PTPRN2: variants seen among roughly 807,000 people sequenced by gnomAD.
PTPRN2 encodes protein tyrosine phosphatase receptor type N2.
Under a neutral mutation model 118.8 loss-of-function variants are expected in PTPRN2, and 74 were observed. That is an observed-to-expected ratio of 0.62 (90% CI 0.52 to 0.76). The LOEUF is 0.76. Among genes scored for constraint, PTPRN2 ranks in the 30% least tolerant of loss-of-function variants. The pLI is 0.00. For synonymous variants in PTPRN2, 641 were observed against 608.0 expected (o/e 1.05, Z -0.80); for missense variants, 1,481 against 1,394.4 (o/e 1.06, Z -0.99).
At chr7:157,872,631 C>G (rs981966883) in intron 12 of PTPRN2, among the ~76,000 whole-genome samples, 1 of 152,270 alleles carries the variant, frequency 6.6e-6, no homozygotes, top group Admixed American at 6.5e-5. Context: ...TCCTTGGTTT[C>G]CCGGTATAAC....
intron 21 of PTPRN2, among the ~76,000 whole-genome samples, chr7:157,559,301 A>G (rs1337436005): frequency 6.6e-6 from 1 of 152,078 alleles, no homozygotes; most frequent in African/African-American, 2.4e-5. Context: ...TGGACGGAGG[A>G]TGTTGGGCCT....
chr7:157,575,026 G>A (rs1799955724), intron 19 of PTPRN2, among the ~76,000 whole-genome samples: 1 of 152,170 alleles, frequency 6.6e-6, no homozygotes, highest in Admixed American at 6.5e-5. Flanking sequence ...CTCAGACCCT[G>A]GAGCAAGGGA....
intron 6 of PTPRN2, among the ~76,000 whole-genome samples, chr7:158,164,124 C>T (rs994819834): frequency 4.6e-5 from 7 of 152,310 alleles, no homozygotes; most frequent in African/African-American, 9.6e-5. Context: ...ACGCTTGTTC[C>T]GAAGATCCAC....
At chr7:157,757,134 G>T (rs536131725) in intron 12 of PTPRN2, among the ~76,000 whole-genome samples, 1 of 150,708 alleles carries the variant, frequency 6.6e-6, no homozygotes, top group African/African-American at 2.4e-5. Flanking sequence ...CCCCTAAAGA[G>T]ATCATTATTG....
At position 157,636,915 on chromosome 7, in the gene PTPRN2, A is replaced by G. The variant is rs527772887; in HGVS notation, c.2197-15406T>C. On this transcript the variant is annotated intron_variant, in intron 14 of 22. Transcript: ENST00000389418. ...ACAGAAACCAATGCTAACCTTTACA[A>G]AGAAAGTAAATATCTTCTAAGCCTT... Among the ~76,000 whole-genome samples the G allele has an allele frequency of 6.6e-5, 10 of 152,360 alleles. 1 individual carries two copies. Among genetic ancestry groups the G allele is most frequent in the African/African-American group, 2.2e-4 (9 of 41,580 alleles).
chr7:158,204,566 A>G (rs969129584), intron 4 of PTPRN2, among the ~76,000 whole-genome samples: 1 of 152,128 alleles, frequency 6.6e-6, no homozygotes, highest in Non-Finnish European at 1.5e-5. Flanking sequence ...AAATAGCACA[A>G]TGGCTCAGGA....
intron 5 of PTPRN2, among the ~76,000 whole-genome samples, chr7:158,188,554 G>A (rs574971622): frequency 2.0e-5 from 2 of 101,828 alleles, no homozygotes; most frequent in Non-Finnish European, 1.9e-5. Context: ...AGGCCGCCAC[G>A]CTCGCCCCCT....
intron 1 of PTPRN2, among the ~76,000 whole-genome samples, chr7:158,499,752 C>T (rs893732809): frequency 2.6e-5 from 4 of 151,586 alleles, no homozygotes; most frequent in Non-Finnish European, 5.9e-5. Flanking sequence ...GCCTGGGTGA[C>T]GGAGCAAGAC....
At position 158,165,178 on chromosome 7, in the gene PTPRN2, C is replaced by T. The variant is rs112517039; in HGVS notation, c.910+1753G>A. Among the ~76,000 whole-genome samples, 2 of 28,576 alleles carry T rather than the reference C, an allele frequency of 7.0e-5. 1 individual carries two copies. Among genetic ancestry groups the T allele is most frequent in the Non-Finnish European group, 2.0e-4 (2 of 10,120 alleles). 18.7% of individuals were successfully genotyped at this position (28,576 alleles called of 152,430 possible). Reference sequence around the variant, plus strand: ...GAAGACCCCCGATGGTGTCTAGTACCCACGAAAGTGCAGGAGGCAGTGAAG... The same window carrying T: ...GAAGACCCCCGATGGTGTCTAGTACTCACGAAAGTGCAGGAGGCAGTGAAG... On this transcript the variant is annotated intron_variant, in intron 6 of 22. Coordinates refer to ENST00000389418, the MANE Select transcript of PTPRN2 (RefSeq NM_002847.5).
At chr7:158,412,840 C>CT (rs1224848013) in intron 2 of PTPRN2, among the ~76,000 whole-genome samples, 15 of 138,584 alleles carry the variant, frequency 1.1e-4, no homozygotes, top group Non-Finnish European at 1.1e-4. Flanking sequence ...CAGGGCCCAT[C>CT]CAGTGCCCTC....
intron 11 of PTPRN2, among the ~76,000 whole-genome samples, chr7:158,035,032 C>T (rs961124687): frequency 6.6e-6 from 1 of 152,236 alleles, no homozygotes; most frequent in Admixed American, 6.5e-5. Context: ...GGCTCACTCT[C>T]CATTTCTTTA....
intron 2 of PTPRN2, among the ~76,000 whole-genome samples, chr7:158,422,858 G>A (rs993597796): frequency 2.6e-5 from 4 of 152,252 alleles, no homozygotes. Flanking sequence ...CCAGCTCACA[G>A]GAGCTCAAGC....
intron 22 of PTPRN2, among the ~76,000 whole-genome samples, chr7:157,544,760 C>G (rs1037656177): frequency 1.3e-5 from 2 of 152,280 alleles, no homozygotes. Context: ...GAGGCATGGA[C>G]GGGAGAGAGG....
intron 11 of PTPRN2, among the ~76,000 whole-genome samples, chr7:157,921,398 T>C (rs544688396): frequency 2.4e-4 from 37 of 152,324 alleles, no homozygotes; most frequent in Non-Finnish European, 4.7e-4. Context: ...GCTATGATGA[T>C]GGATACGTGT....
intron 2 of PTPRN2, 132 bp downstream of exon 2, chr7:158,489,603 C>G: frequency 1.1e-6 from 1 of 893,060 alleles, no homozygotes; most frequent in Non-Finnish European, 1.6e-6. Flanking sequence ...GGGTTCCATC[C>G]GCCTCCTCTC....
chr7:158,151,077 GCCCCTGCCTGCC>G (rs1821005551), intron 6 of PTPRN2, among the ~76,000 whole-genome samples: 1 of 102,992 alleles, frequency 9.7e-6, no homozygotes, highest in Non-Finnish European at 2.1e-5. Context: ...TTCCACTCTT[GCCCCTGCCTGCC>G]CAAACCGCCC....
chr7:158,298,714 C>T (rs1202554818), intron 3 of PTPRN2, among the ~76,000 whole-genome samples: 1 of 152,168 alleles, frequency 6.6e-6, no homozygotes. Flanking sequence ...AAGTTGTGCT[C>T]GGGCACATCA....
At chr7:158,090,568 C>T (rs998492304) in intron 10 of PTPRN2, among the ~76,000 whole-genome samples, 1 of 152,154 alleles carries the variant, frequency 6.6e-6, no homozygotes, top group Admixed American at 6.5e-5. Flanking sequence ...TTGATAATTG[C>T]TCATTTCTTT....
intron 1 of PTPRN2, among the ~76,000 whole-genome samples, chr7:158,491,388 G>C (rs545283872): frequency 1.8e-4 from 28 of 152,338 alleles, no homozygotes; most frequent in African/African-American, 6.7e-4. Context: ...TCACAGGCGG[G>C]TGGACACCCC....
Sources: allele counts gnomAD v4.1 joint callset (sites outside exome capture counted in the v4.1 genomes callset), GRCh38; gene constraint gnomAD v4.1.1; transcripts MANE v1.5; gene names NCBI Gene and HGNC (gene_info 2026-07-23, HGNC 2026-07-21).